Variants in SLC25A26 observed in about 807,000 individuals in gnomAD.
SLC25A26 encodes the protein mitochondrial S-adenosylmethionine carrier protein.
A neutral mutation model predicts 37.8 loss-of-function variants in SLC25A26; 36 were observed. That is an observed-to-expected ratio of 0.95 (90% CI 0.73 to 1.26). SLC25A26 has a LOEUF of 1.26. Ranked by LOEUF, SLC25A26 falls within the 50% of genes most tolerant of loss-of-function variation. The pLI, the probability that SLC25A26 is intolerant of heterozygous loss-of-function variation, is 0.00. For synonymous variants in SLC25A26, 129 were observed against 122.5 expected (o/e 1.05, Z -0.35); for missense variants, 390 against 331.1 (o/e 1.18, Z -1.38).
chr3:66,170,788 ATTGT>A (rs2070484189), intron 1 of SLC25A26, among the ~76,000 whole-genome samples: 7 of 56,452 alleles, frequency 1.2e-4, no homozygotes, highest in Admixed American at 1.8e-4. Flanking sequence ...AGATGTGATT[ATTGT>A]TTTTTTTTTT....
chr3:66,290,834 G>A (rs2074680233), intron 5 of SLC25A26, among the ~76,000 whole-genome samples: 1 of 152,162 alleles, frequency 6.6e-6, no homozygotes, highest in Non-Finnish European at 1.5e-5. Flanking sequence ...CTCATAAAAT[G>A]AATTACGGAG....
intron 6 of SLC25A26, among the ~76,000 whole-genome samples, chr3:66,358,132 C>T (rs1443525335): frequency 8.5e-5 from 13 of 152,164 alleles, no homozygotes; most frequent in East Asian, 5.8e-4. Context: ...CATAGTCTTC[C>T]TGTGAGTAAT....
At chr3:66,342,607 T>G (rs567338000) in intron 5 of SLC25A26, among the ~76,000 whole-genome samples, 24 of 152,352 alleles carry the variant, frequency 1.6e-4, no homozygotes, top group African/African-American at 2.9e-4. Flanking sequence ...ATAATTCTAG[T>G]CCTACACTTT....
chr3:66,226,332 C>T (rs2071749111), intron 1 of SLC25A26, among the ~76,000 whole-genome samples: 1 of 152,174 alleles, frequency 6.6e-6, no homozygotes, highest in Admixed American at 6.5e-5. Context: ...TATTCACTAT[C>T]ACCAGAACAG....
intron 3 of SLC25A26, among the ~76,000 whole-genome samples, chr3:66,250,605 G>A (rs906079704): frequency 1.1e-4 from 16 of 151,410 alleles, no homozygotes; most frequent in African/African-American, 3.9e-4. Context: ...CAAGGCTAAA[G>A]CAATGATGTT....
intron 6 of SLC25A26, among the ~76,000 whole-genome samples, chr3:66,346,942 G>T (rs1298416491): frequency 6.6e-6 from 1 of 152,062 alleles, no homozygotes; most frequent in Non-Finnish European, 1.5e-5. Context: ...CTCCAGCCAG[G>T]ACTAGGAGCC....
chr3:66,270,191 G>A (rs2073908988), intron 5 of SLC25A26, among the ~76,000 whole-genome samples: 1 of 152,098 alleles, frequency 6.6e-6, no homozygotes, highest in Non-Finnish European at 1.5e-5. Context: ...TAAGATTTCA[G>A]TCTTCTTAAA....
At chr3:66,262,213 C>T (rs745830405) in intron 4 of SLC25A26, 58 bp downstream of exon 4, 41 of 872,470 alleles carry the variant, frequency 4.7e-5, no homozygotes, top group Admixed American at 8.6e-5. Context: ...GTAGCTAATA[C>T]GAACACTGTG....
intron 5 of SLC25A26, among the ~76,000 whole-genome samples, chr3:66,330,463 G>A (rs2075946843): frequency 1.3e-5 from 2 of 152,054 alleles, no homozygotes; most frequent in African/African-American, 4.8e-5. Flanking sequence ...TGTACAACAG[G>A]AGTAGGATAT....
At chr3:66,361,234 T>A (rs1016413392) in intron 6 of SLC25A26, among the ~76,000 whole-genome samples, 5 of 152,170 alleles carry the variant, frequency 3.3e-5, no homozygotes, top group African/African-American at 9.7e-5. Flanking sequence ...GTACCATATA[T>A]AAAAATTAAC....
At chr3:66,261,799 T>C (rs2073537877) in intron 3 of SLC25A26, 2 of 335,792 alleles carry the variant, frequency 6.0e-6, no homozygotes, top group South Asian at 4.5e-5. Flanking sequence ...TGTAGACAGA[T>C]GTTCTTGGAA....
At chr3:66,265,759 A>G (rs1219695010) in intron 5 of SLC25A26, among the ~76,000 whole-genome samples, 1 of 152,132 alleles carries the variant, frequency 6.6e-6, no homozygotes, top group Non-Finnish European at 1.5e-5. Context: ...ATGTTTCAAA[A>G]TTAGTTAATT....
In SLC25A26 at chr3:66,262,071, TC is replaced by T; in HGVS notation, c.323del (p.Pro108HisfsTer42). On this transcript the variant is annotated frameshift_variant, in exon 4 of 10. Transcript: ENST00000354883. LOFTEE classifies it high-confidence loss of function. ...TTTAGGTTGCCTGCCTGATTCGAGTTCCATCTGAAGTGGTTAAGCAGAGGGC... is the reference window on the plus strand; with the variant it reads ...TTTAGGTTGCCTGCCTGATTCGAGTTCATCTGAAGTGGTTAAGCAGAGGGC... ...GEVVACLIRV[P>X]SEVVKQRAQV... The T allele has an allele frequency of 1.9e-6, 3 of 1,583,882 alleles. No individual in the cohort carries two copies. The highest frequency in any genetic ancestry group is 2.6e-6 in the Non-Finnish European group (3 of 1,164,506).
rs890536260 is a variant in SLC25A26 at position 66,225,079 on chromosome 3, G to A, written c.33+3952G>A. ...AGGCACAGGGTTCAAGCTGTCAGTGGATCTACCATTCTGGGGTCTGGAGGA... is the reference window on the plus strand; with the variant it reads ...AGGCACAGGGTTCAAGCTGTCAGTGAATCTACCATTCTGGGGTCTGGAGGA... On this transcript the variant is annotated intron_variant, in intron 1 of 9. Transcript: ENST00000354883. Among the ~76,000 whole-genome samples, 7 of 152,188 alleles carry A rather than the reference G, an allele frequency of 4.6e-5. No homozygotes were observed. In the South Asian group the frequency reaches 1.2e-3, roughly 27 times the overall value.
In SLC25A26 at chr3:66,209,100, A is replaced by G. The variant is rs1324014333; in HGVS notation, c.-353-11642A>G. Reference sequence around the variant, plus strand: ...CACCCATATAAAGATGTATATATATATATATATATATATACACAAAAAGAT... The same window carrying G: ...CACCCATATAAAGATGTATATATATGTATATATATATATACACAAAAAGAT... On this transcript the variant is annotated intron_variant, in intron 1 of 10. Coordinates refer to the SLC25A26 transcript ENST00000676754. Among the ~76,000 whole-genome samples the G allele has an allele frequency of 3.9e-3, 407 of 105,098 alleles. 29 individuals carry two copies. Among genetic ancestry groups the G allele is most frequent in the African/African-American group, 9.3e-3 (274 of 29,454 alleles). 68.9% of individuals were successfully genotyped at this position (105,098 alleles called of 152,430 possible).
chr3:66,329,121 T>C (rs1031355896), intron 5 of SLC25A26, among the ~76,000 whole-genome samples: 3 of 152,238 alleles, frequency 2.0e-5, no homozygotes, highest in Non-Finnish European at 4.4e-5. Context: ...GATATGTGAC[T>C]TTTTTGGTTT....
intron 1 of SLC25A26, among the ~76,000 whole-genome samples, chr3:66,172,739 G>A (rs142941448): frequency 1.7e-4 from 26 of 152,180 alleles, no homozygotes; most frequent in African/African-American, 6.3e-4. Context: ...TTTTTGTTCT[G>A]GTAGTTTGCT....
intron 6 of SLC25A26, among the ~76,000 whole-genome samples, chr3:66,354,864 C>T (rs1001786957): frequency 2.0e-5 from 3 of 152,142 alleles, no homozygotes; most frequent in African/African-American, 4.8e-5. Context: ...CTCTGCCTGC[C>T]GCCATCCACA....
At chr3:66,167,883 G>A (rs893335321) in intron 1 of SLC25A26, among the ~76,000 whole-genome samples, 3 of 152,106 alleles carry the variant, frequency 2.0e-5, no homozygotes, top group Non-Finnish European at 4.4e-5. Flanking sequence ...GCTGGGTGCA[G>A]TGGCTCATGC....
Sources: allele counts gnomAD v4.1 joint callset (sites outside exome capture counted in the v4.1 genomes callset), GRCh38; gene constraint gnomAD v4.1.1; transcripts MANE v1.5; gene names NCBI Gene and HGNC (gene_info 2026-07-23, HGNC 2026-07-21).